The following CNTN5 variants were observed in gnomAD, a reference collection of about 807,000 sequenced individuals.
CNTN5 encodes the protein contactin-5.
In CNTN5, 77 loss-of-function variants were observed where a neutral mutation model predicts 129.1. The ratio of observed to expected loss-of-function variants is 0.60; its 90% CI spans 0.50 to 0.72. The LOEUF (loss-of-function observed/expected upper bound fraction) is 0.72, where lower values mean the gene tolerates loss of function less well. Among genes scored for constraint, CNTN5 ranks in the 30% least tolerant of loss-of-function variants. The pLI is 0.00. For synonymous variants in CNTN5, 509 were observed against 465.6 expected (o/e 1.09, Z -1.20); for missense variants, 1,478 against 1,328.8 (o/e 1.11, Z -1.75).
chr11:99,609,348 A>G (rs1950527439), intron 3 of CNTN5, among the ~76,000 whole-genome samples: 1 of 152,170 alleles, frequency 6.6e-6, no homozygotes, highest in Non-Finnish European at 1.5e-5. Flanking sequence ...GTGGTAAGCA[A>G]TTATTCTGAG....
intron 9 of CNTN5, among the ~76,000 whole-genome samples, chr11:100,045,089 CT>C (rs1411717052): frequency 4.6e-5 from 7 of 151,580 alleles, no homozygotes; most frequent in African/African-American, 1.5e-4. Context: ...CTACTTACCC[CT>C]AACCCAAAGC....
chr11:100,181,460 A>G (rs962838075), intron 13 of CNTN5, among the ~76,000 whole-genome samples: 1 of 151,956 alleles, frequency 6.6e-6, no homozygotes, highest in African/African-American at 2.4e-5. Context: ...TATAAAAAGG[A>G]AAATAAAGAA....
chr11:99,257,137 C>T (rs978530962), intron 1 of CNTN5, among the ~76,000 whole-genome samples: 29 of 152,174 alleles, frequency 1.9e-4, no homozygotes, highest in Admixed American at 9.2e-4. Context: ...AAGAACAGAA[C>T]AAAATCTGGG....
chr11:99,854,861 T>C (rs1240014430), intron 6 of CNTN5, among the ~76,000 whole-genome samples: 1 of 152,036 alleles, frequency 6.6e-6, no homozygotes, highest in East Asian at 1.9e-4. Flanking sequence ...ACTTCAGGAA[T>C]ATATGTGTTT....
chr11:100,158,031 A>G (rs1352053583), intron 13 of CNTN5, among the ~76,000 whole-genome samples: 2 of 151,794 alleles, frequency 1.3e-5, no homozygotes, highest in Non-Finnish European at 2.9e-5. Context: ...GAAGGAAAGG[A>G]AAAGGGAGGA....
intron 3 of CNTN5, among the ~76,000 whole-genome samples, chr11:99,783,658 A>C (rs937392452): frequency 1.4e-5 from 2 of 140,344 alleles, no homozygotes; most frequent in African/African-American, 5.3e-5. Context: ...GGATGAGTTC[A>C]TGTCCTTTGT....
intron 2 of CNTN5, among the ~76,000 whole-genome samples, chr11:99,460,068 G>A (rs986091478): frequency 6.6e-6 from 1 of 151,940 alleles, no homozygotes; most frequent in East Asian, 1.9e-4. Flanking sequence ...GCATTAGATA[G>A]TTGGACATGG....
chr11:99,607,866 C>T (rs575225760), intron 3 of CNTN5, among the ~76,000 whole-genome samples: 26 of 127,120 alleles, frequency 2.0e-4, no homozygotes, highest in African/African-American at 5.5e-4. Context: ...AACCAAACAC[C>T]GCATATTCTC....
chr11:99,738,878 T>G (rs911171923), intron 3 of CNTN5, among the ~76,000 whole-genome samples: 2 of 152,184 alleles, frequency 1.3e-5, no homozygotes, highest in Non-Finnish European at 2.9e-5. Context: ...TCTATTGTCA[T>G]GAAGCAAAAT....
rs201462895 is a variant in CNTN5, at chr11:100,224,831, C to T, written c.2005+19C>T. On this transcript the variant is annotated intron_variant, in intron 16 of 24. Transcript: ENST00000524871. ...GTTAGGGGTGAGTATGCTAATAGTGCAGTCTGAAGACATGATCACCATAAA... is the reference window on the plus strand; with the variant it reads ...GTTAGGGGTGAGTATGCTAATAGTGTAGTCTGAAGACATGATCACCATAAA... 24 of 1,611,112 alleles carry T rather than the reference C, an allele frequency of 1.5e-5. No individual in the cohort carries two copies. The highest frequency in any genetic ancestry group is 1.3e-4 in the South Asian group (12 of 90,902).
chr11:99,936,073 G>C (rs1950310060), intron 7 of CNTN5, among the ~76,000 whole-genome samples: 1 of 152,068 alleles, frequency 6.6e-6, no homozygotes, highest in South Asian at 2.1e-4. Flanking sequence ...TCTATTTCAA[G>C]AAAGACACTT....
At chr11:100,193,048 C>T (rs912224520) in intron 14 of CNTN5, among the ~76,000 whole-genome samples, 4 of 151,884 alleles carry the variant, frequency 2.6e-5, no homozygotes, top group African/African-American at 7.2e-5. Flanking sequence ...TTCTATTGCC[C>T]TGTAGCCTCC....
chr11:99,820,129 G>C (rs1946749744), intron 4 of CNTN5, among the ~76,000 whole-genome samples: 1 of 151,714 alleles, frequency 6.6e-6, no homozygotes, highest in Non-Finnish European at 1.5e-5. Context: ...AAAATGACAA[G>C]AGCCTGTGTT....
At chr11:99,953,598 C>G (rs1382818627) in intron 7 of CNTN5, among the ~76,000 whole-genome samples, 1 of 152,110 alleles carries the variant, frequency 6.6e-6, no homozygotes, top group East Asian at 1.9e-4. Flanking sequence ...TTATATGTTA[C>G]AGAAGTAGAC....
chr11:100,162,961 C>G (rs1257502121), intron 13 of CNTN5, among the ~76,000 whole-genome samples: 2 of 151,870 alleles, frequency 1.3e-5, no homozygotes, highest in South Asian at 4.1e-4. Flanking sequence ...TTTATTCTCA[C>G]TAGAGGAAGC....
At chr11:99,651,473 G>C (rs1190761457) in intron 3 of CNTN5, among the ~76,000 whole-genome samples, 2 of 151,956 alleles carry the variant, frequency 1.3e-5, no homozygotes, top group African/African-American at 4.8e-5. Context: ...ACATTTAAAT[G>C]TAATATCATT....
rs1426990820 is a variant in CNTN5, at chr11:99,744,502, C to A, written c.56-75042C>A. ...ATCACTTGAGCCCAGGAGTTAGCGA[C>A]CGATTGGGCAACATAGCAAAACCCC... On this transcript the variant is annotated intron_variant, in intron 3 of 24. Coordinates refer to ENST00000524871, the MANE Select transcript of CNTN5 (RefSeq NM_014361.4). 3.0e-5 allele frequency among the ~76,000 whole-genome samples: 4 copies of A among 132,134 alleles called. No individual in the cohort carries two copies. The Admixed American group carries it at 3.5e-4, about 12-fold the overall frequency. The allele number at this position is 132,134 out of a possible 152,430, so 86.7% of individuals were successfully genotyped here. A position where few individuals can be genotyped will look rare whatever the true frequency, so the allele number is the denominator to read the frequency against.
rs1050412666 is a variant in CNTN5, at chr11:99,453,876, T to C, written c.-70-102269T>C. ...TTGCATATCTCCTTTGGGAATGGGA[T>C]GCATCTTCAAGTAGTATGGGTTGCA... On this transcript the variant is annotated intron_variant, in intron 2 of 24. Coordinates refer to ENST00000524871, the MANE Select transcript of CNTN5 (RefSeq NM_014361.4). Among the ~76,000 whole-genome samples the C allele has an allele frequency of 2.6e-5, 4 of 152,330 alleles. No individual in the cohort carries two copies. In the East Asian group the frequency reaches 5.8e-4, roughly 22 times the overall value.
chr11:100,037,292 C>A (rs1378438296), intron 9 of CNTN5, among the ~76,000 whole-genome samples: 1 of 150,746 alleles, frequency 6.6e-6, no homozygotes. Context: ...GTATATTGAA[C>A]CAGCCTTGCA....
Sources: allele counts gnomAD v4.1 joint callset (sites outside exome capture counted in the v4.1 genomes callset), GRCh38; gene constraint gnomAD v4.1.1; transcripts MANE v1.5; gene names NCBI Gene and HGNC (gene_info 2026-07-23, HGNC 2026-07-21).